RNF180: variants seen among roughly 807,000 people sequenced by gnomAD.
The protein encoded by RNF180 is ring finger protein 180, also known as E3 ubiquitin-protein ligase RNF180.
RNF180 carries 38 observed loss-of-function variants against 59.2 expected under a neutral mutation model. The observed-to-expected ratio is 0.64, with a 90% CI of 0.50 to 0.84. RNF180 has a LOEUF of 0.84. RNF180 is among the 40% of genes least tolerant of loss of function. The probability of loss-of-function intolerance (pLI) is 0.00; values close to 1 mark genes in which losing one functional copy is unlikely to be tolerated. For synonymous variants in RNF180, 262 were observed against 240.3 expected (o/e 1.09, Z -0.84); for missense variants, 705 against 700.9 (o/e 1.01, Z -0.07).
At chr5:64,324,121 G>C (rs945619379) in intron 5 of RNF180, among the ~76,000 whole-genome samples, 1 of 152,172 alleles carries the variant, frequency 6.6e-6, no homozygotes, top group African/African-American at 2.4e-5. Context: ...GATCACAAAA[G>C]CATCACCAAA....
intron 1 of RNF180, among the ~76,000 whole-genome samples, chr5:64,178,641 G>C (rs1429113547): frequency 1.3e-5 from 2 of 152,150 alleles, no homozygotes; most frequent in Admixed American, 6.5e-5. Flanking sequence ...CGCAGCTACT[G>C]TCCTCTTTTC....
chr5:64,316,281 G>A (rs1744039376), intron 5 of RNF180, among the ~76,000 whole-genome samples: 1 of 152,104 alleles, frequency 6.6e-6, no homozygotes. Flanking sequence ...TCAGGAGTCT[G>A]TGAATCACAC....
At chr5:64,354,115 C>T (rs138706265) in intron 7 of RNF180, among the ~76,000 whole-genome samples, 1 of 151,182 alleles carries the variant, frequency 6.6e-6, no homozygotes, top group African/African-American at 2.4e-5. Context: ...GGAAATAATA[C>T]ATGATTAGAA....
At chr5:64,255,088 T>A (rs528468772) in intron 5 of RNF180, among the ~76,000 whole-genome samples, 2 of 152,300 alleles carry the variant, frequency 1.3e-5, no homozygotes, top group East Asian at 3.9e-4. Flanking sequence ...ATGAGGTGAT[T>A]CTGAATCTTA....
chr5:64,187,326 ACTCTGCC>A (rs1421330946), intron 1 of RNF180, among the ~76,000 whole-genome samples: 1 of 152,154 alleles, frequency 6.6e-6, no homozygotes, highest in African/African-American at 2.4e-5. Context: ...TATGCATTGC[ACTCTGCC>A]TAACTCAACA....
intron 1 of RNF180, among the ~76,000 whole-genome samples, chr5:64,185,443 A>G (rs1481202933): frequency 6.6e-6 from 1 of 152,186 alleles, no homozygotes; most frequent in Non-Finnish European, 1.5e-5. Context: ...AGAAGCTTGT[A>G]GAAGCGTATT....
chr5:64,239,750 C>T (rs192582645), intron 5 of RNF180, among the ~76,000 whole-genome samples: 5 of 152,050 alleles, frequency 3.3e-5, no homozygotes, highest in South Asian at 2.1e-4. Flanking sequence ...ATATAAATAA[C>T]GATCATCTTA....
chr5:64,267,735 A>G (rs1744769215), intron 5 of RNF180, among the ~76,000 whole-genome samples: 2 of 152,200 alleles, frequency 1.3e-5, no homozygotes, highest in African/African-American at 2.4e-5. Flanking sequence ...AACTCATGAT[A>G]TAGTAATATA....
At position 64,369,846 on chromosome 5, in the gene RNF180, A is replaced by G. The variant is rs1746600506; in HGVS notation, c.*32A>G. Reference sequence around the variant, plus strand: ...CATACCTTACTACAATTGACCAATCATAAATGATGTAAATAACAATTGCTT... The same window carrying G: ...CATACCTTACTACAATTGACCAATCGTAAATGATGTAAATAACAATTGCTT... On this transcript the variant is annotated 3_prime_UTR_variant, in exon 8 of 8. Transcript: ENST00000389100. 1.7e-6 allele frequency: 2 copies of G among 1,173,850 alleles called. No individual in the cohort carries two copies. Among genetic ancestry groups the G allele is most frequent in the Non-Finnish European group, 2.3e-6 (2 of 883,364 alleles). The allele number at this position is 1,173,850 out of a possible 1,614,324, so 72.7% of individuals were successfully genotyped here. A position where few individuals can be genotyped will look rare whatever the true frequency, so the allele number is the denominator to read the frequency against.
At chr5:64,307,266 T>A (rs940278296) in intron 5 of RNF180, among the ~76,000 whole-genome samples, 1 of 151,374 alleles carries the variant, frequency 6.6e-6, no homozygotes, top group Non-Finnish European at 1.5e-5. Flanking sequence ...CAGTATTGAT[T>A]TAATTAGGTT....
chr5:64,222,250 G>A lies in RNF180; in HGVS notation c.1227+4854G>A, dbSNP rs186018308. Among the ~76,000 whole-genome samples, 933 of 152,110 alleles carry A rather than the reference G, an allele frequency of 6.1e-3. 14 individuals are homozygous for A. Among genetic ancestry groups the A allele is most frequent in the African/African-American group, 0.022 (904 of 41,484 alleles). On this transcript the variant is annotated intron_variant, in intron 5 of 7. Coordinates refer to ENST00000389100, the MANE Select transcript of RNF180 (RefSeq NM_001113561.2). Reference sequence around the variant, plus strand: ...ACTGTATTTGATGATTCACTAAGAGGACTCATAGAACTAAGCATGAATTCA... The same window carrying A: ...ACTGTATTTGATGATTCACTAAGAGAACTCATAGAACTAAGCATGAATTCA...
At position 64,217,364 on chromosome 5, in the gene RNF180, A is replaced by G; in HGVS notation, c.1195A>G (p.Lys399Glu). 1.4e-6 allele frequency: 2 copies of G among 1,409,182 alleles called. No homozygotes were observed. The highest frequency in any genetic ancestry group is 5.4e-5 in the East Asian group (2 of 37,114). 87.3% of individuals were successfully genotyped at this position (1,409,182 alleles called of 1,614,324 possible). A position where few individuals can be genotyped will look rare whatever the true frequency, so the allele number is the denominator to read the frequency against. ...RRERWLQKQG[K>E]YSGVGLLDHM... ...ACCTAATTTTTTATTTCTCTAGGGT[A>G]AATACTCAGGAGTGGGATTGCTGGA... The change falls in exon 5 of 8, where the codon AAA becomes GAA. Residue 399 changes from lysine to glutamate, a missense_variant. By Grantham distance (56) the Lys-to-Glu change is moderately conservative. Transcript: ENST00000389100.
At chr5:64,257,961 G>T (rs1360394048) in intron 5 of RNF180, among the ~76,000 whole-genome samples, 1 of 152,186 alleles carries the variant, frequency 6.6e-6, no homozygotes, top group African/African-American at 2.4e-5. Flanking sequence ...GGAAAGCTGA[G>T]AAGGAGATAA....
intron 5 of RNF180, among the ~76,000 whole-genome samples, chr5:64,287,936 T>C (rs1440630301): frequency 6.6e-6 from 1 of 152,248 alleles, no homozygotes; most frequent in African/African-American, 2.4e-5. Flanking sequence ...TTTGCTTTTT[T>C]TGCAATTGCT....
intron 5 of RNF180, among the ~76,000 whole-genome samples, chr5:64,219,643 A>T (rs776658979): frequency 3.4e-4 from 51 of 151,496 alleles, no homozygotes; most frequent in Middle Eastern, 3.4e-3. Context: ...GCCTCCTGAG[A>T]GCTGGGACTA....
At chr5:64,243,617 C>T (rs1742961046) in intron 5 of RNF180, among the ~76,000 whole-genome samples, 1 of 152,206 alleles carries the variant, frequency 6.6e-6, no homozygotes, top group African/African-American at 2.4e-5. Flanking sequence ...ATACTCCCAT[C>T]ACCCTAGGAC....
At chr5:64,311,444 G>GA (rs368660267) in intron 5 of RNF180, among the ~76,000 whole-genome samples, 97 of 151,444 alleles carry the variant, frequency 6.4e-4, no homozygotes, top group African/African-American at 2.0e-3. Flanking sequence ...CTCCAGGTAG[G>GA]AAAAAAAATA....
At chr5:64,248,980 C>G (rs1743375696) in intron 5 of RNF180, among the ~76,000 whole-genome samples, 1 of 152,140 alleles carries the variant, frequency 6.6e-6, no homozygotes, top group African/African-American at 2.4e-5. Context: ...TGGAAACTAT[C>G]ACTCTCAGCA....
intron 1 of RNF180, among the ~76,000 whole-genome samples, chr5:64,180,149 T>C (rs1750492090): frequency 6.6e-6 from 1 of 152,222 alleles, no homozygotes; most frequent in Non-Finnish European, 1.5e-5. Context: ...ATTTGCAGAT[T>C]TCTTCTTCCA....
Sources: allele counts gnomAD v4.1 joint callset (sites outside exome capture counted in the v4.1 genomes callset), GRCh38; gene constraint gnomAD v4.1.1; transcripts MANE v1.5; gene names NCBI Gene and HGNC (gene_info 2026-07-23, HGNC 2026-07-21).